The following SPIDR variants were observed in gnomAD, a reference collection of about 807,000 sequenced individuals.
SPIDR encodes the protein scaffold protein involved in DNA repair.
In SPIDR, 93 loss-of-function variants were observed where a neutral mutation model predicts 104.6. That is an observed-to-expected ratio of 0.89 (90% CI 0.75 to 1.06). The LOEUF is 1.06. Ranked by LOEUF, SPIDR falls within the 50% of genes least tolerant of loss-of-function variation. The pLI, the probability that SPIDR is intolerant of heterozygous loss-of-function variation, is 0.00. For synonymous variants in SPIDR, 431 were observed against 416.9 expected (o/e 1.03, Z -0.41); for missense variants, 1,154 against 1,111.2 (o/e 1.04, Z -0.55).
At chr8:47,418,308 G>A (rs554650885) in intron 7 of SPIDR, among the ~76,000 whole-genome samples, 18 of 152,236 alleles carry the variant, frequency 1.2e-4, no homozygotes, top group African/African-American at 4.3e-4. Context: ...TTGAGCAGTG[G>A]TTTGTAGTTC....
chr8:47,638,925 A>C (rs1670902037), intron 10 of SPIDR, among the ~76,000 whole-genome samples: 1 of 152,198 alleles, frequency 6.6e-6, no homozygotes, highest in African/African-American at 2.4e-5. Flanking sequence ...AGGCTCTCTG[A>C]ATGATTTACC....
intron 5 of SPIDR, among the ~76,000 whole-genome samples, chr8:47,345,849 T>G (rs1251616733): frequency 2.0e-5 from 3 of 152,206 alleles, no homozygotes; most frequent in Non-Finnish European, 2.9e-5. Flanking sequence ...CTTACCAGTT[T>G]AAGGAGATTT....
At chr8:47,452,072 T>C (rs1334139160) in intron 8 of SPIDR, among the ~76,000 whole-genome samples, 1 of 152,156 alleles carries the variant, frequency 6.6e-6, no homozygotes, top group Non-Finnish European at 1.5e-5. Flanking sequence ...AAGGCCAATG[T>C]ACTTCAAGCA....
Position 47,440,395 on chromosome 8 carries a change from G to T in SPIDR, c.950G>T (p.Cys317Phe). The T allele has an allele frequency of 1.2e-6, 2 of 1,614,242 alleles. No individual in the cohort carries two copies. Among genetic ancestry groups the T allele is most frequent in the Non-Finnish European group, 1.7e-6 (2 of 1,180,032 alleles). The stretch of plus-strand genomic sequence containing the variant: ...GAATGTGCCATGCAAGTTGCCATGT[G>T]TGAGCAGTTATTGGGGTCACCAGCC... Reference protein sequence around the residue: ...HEECAMQVAMCEQLLGSPATS... With the variant: ...HEECAMQVAMFEQLLGSPATS... The change falls in exon 8 of 20, where the codon TGT becomes TTT. Residue 317 changes from cysteine to phenylalanine, a missense_variant. Transcript: ENST00000297423.
intron 8 of SPIDR, among the ~76,000 whole-genome samples, chr8:47,512,684 A>G (rs950389727): frequency 6.6e-6 from 1 of 152,170 alleles, no homozygotes; most frequent in Non-Finnish European, 1.5e-5. Flanking sequence ...GGCAGTGGTC[A>G]GGTGGCTTCC....
chr8:47,357,734 C>A, intron 5 of SPIDR: 1 of 329,262 alleles, frequency 3.0e-6, no homozygotes, highest in Non-Finnish European at 4.3e-6. Flanking sequence ...TTTTGTTTTT[C>A]ACTTTTAAGA....
chr8:47,576,496 C>T (rs181859190), intron 8 of SPIDR, among the ~76,000 whole-genome samples: 2 of 150,560 alleles, frequency 1.3e-5, no homozygotes, highest in African/African-American at 4.9e-5. Context: ...TGCAGTGGCA[C>T]GATCTTGACT....
At chr8:47,440,247 TC>T in intron 7 of SPIDR, 75 bp from the exon 8 acceptor site, 1 of 1,339,114 alleles carries the variant, frequency 7.5e-7, no homozygotes, top group East Asian at 2.3e-5. Flanking sequence ...GATCTTTTTT[TC>T]ATGACACTTT....
intron 8 of SPIDR, among the ~76,000 whole-genome samples, chr8:47,576,629 TCAC>T (rs2059158523): frequency 6.6e-6 from 1 of 151,880 alleles, no homozygotes; most frequent in African/African-American, 2.4e-5. Context: ...AGACAGGATT[TCAC>T]CATGTTGACC....
At chr8:47,575,614 T>G (rs1403543712) in intron 8 of SPIDR, among the ~76,000 whole-genome samples, 2 of 134,596 alleles carry the variant, frequency 1.5e-5, no homozygotes, top group Admixed American at 8.1e-5. Context: ...GCCACTGCAC[T>G]CCAGCCTGGG....
intron 14 of SPIDR, among the ~76,000 whole-genome samples, chr8:47,702,868 G>A (rs551332620): frequency 1.3e-5 from 2 of 152,292 alleles, no homozygotes; most frequent in East Asian, 1.9e-4. Context: ...GGCTGTCGGT[G>A]GATCACCAGC....
At chr8:47,381,669 A>C (rs2059342542) in intron 5 of SPIDR, among the ~76,000 whole-genome samples, 1 of 152,236 alleles carries the variant, frequency 6.6e-6, no homozygotes, top group Admixed American at 6.5e-5. Context: ...CTCAGAGAGC[A>C]GAAACCAGCG....
intron 8 of SPIDR, among the ~76,000 whole-genome samples, chr8:47,552,361 T>G (rs139966938): frequency 0.038 from 5,805 of 152,172 alleles, 310 homozygotes; most frequent in African/African-American, 0.12. Flanking sequence ...GTCTAATATT[T>G]ACAGTGGGGT....
At chr8:47,727,554 G>C (rs2084449719) in intron 17 of SPIDR, among the ~76,000 whole-genome samples, 1 of 152,118 alleles carries the variant, frequency 6.6e-6, no homozygotes, top group Non-Finnish European at 1.5e-5. Context: ...TTATCAGCCA[G>C]GAGAATTAAA....
chr8:47,568,510 A>G (rs1262707420), intron 8 of SPIDR, among the ~76,000 whole-genome samples: 1 of 152,210 alleles, frequency 6.6e-6, no homozygotes, highest in Admixed American at 6.5e-5. Flanking sequence ...CACTTGTAGC[A>G]TCCAGGGGCA....
At chr8:47,558,076 C>A (rs1183169501) in intron 8 of SPIDR, among the ~76,000 whole-genome samples, 1 of 152,164 alleles carries the variant, frequency 6.6e-6, no homozygotes, top group Non-Finnish European at 1.5e-5. Context: ...CACATTTAAT[C>A]ACTTGTTAGT....
At chr8:47,471,531 A>G (rs1403422867) in intron 8 of SPIDR, among the ~76,000 whole-genome samples, 2 of 152,200 alleles carry the variant, frequency 1.3e-5, no homozygotes, top group African/African-American at 2.4e-5. Context: ...CAAAGATGCA[A>G]AGAAATTGGA....
chr8:47,440,201 C>T lies in SPIDR; in HGVS notation c.878-122C>T, dbSNP rs1215440223. On this transcript the variant is annotated intron_variant, in intron 7 of 19. Transcript: ENST00000297423. ...TGTTTTACTTTGCAAAATGTGGAGA[C>T]CATTTTCTCCAGGTGAAGAGTGCTA... 6.3e-6 allele frequency: 5 copies of T among 790,216 alleles called. No homozygotes were observed. In the East Asian group the frequency reaches 1.3e-4, roughly 21 times the overall value. The allele number at this position is 790,216 out of a possible 1,614,324, so 49.0% of individuals were successfully genotyped here.
Position 47,291,061 on chromosome 8 carries a change from G to A in SPIDR, c.285G>A (p.Gly95=). The change falls in exon 4 of 20, where the codon GGG becomes GGA. Residue 95 remains glycine (G), a synonymous_variant. Transcript: ENST00000297423. ...CCACCACATCTAAAAGCACCAGTGGGCTTACAGACATAACATGGAGCTCCA... is the reference window on the plus strand; with the variant it reads ...CCACCACATCTAAAAGCACCAGTGGACTTACAGACATAACATGGAGCTCCA... The part of the protein sequence containing the change: ...QETTTSKSTS[G]LTDITWSSSG... 2 of 1,612,910 alleles carry A rather than the reference G, an allele frequency of 1.2e-6. No individual in the cohort carries two copies. Among genetic ancestry groups the A allele is most frequent in the Admixed American group, 1.7e-5 (1 of 59,932 alleles).
Sources: allele counts gnomAD v4.1 joint callset (sites outside exome capture counted in the v4.1 genomes callset), GRCh38; gene constraint gnomAD v4.1.1; transcripts MANE v1.5; gene names NCBI Gene and HGNC (gene_info 2026-07-23, HGNC 2026-07-21).